Variants in ZNF382 observed in about 807,000 individuals in gnomAD.
ZNF382 encodes the protein zinc finger protein 382.
A neutral mutation model predicts 38.8 loss-of-function variants in ZNF382; 20 were observed. The observed-to-expected ratio is 0.51, with a 90% CI of 0.36 to 0.75. ZNF382 has a LOEUF of 0.75. Ranked by LOEUF, ZNF382 falls within the 30% of genes least tolerant of loss-of-function variation. The probability of loss-of-function intolerance (pLI) is 0.00; values close to 1 mark genes in which losing one functional copy is unlikely to be tolerated. For synonymous variants in ZNF382, 202 were observed against 223.1 expected (o/e 0.91, Z 0.84); for missense variants, 546 against 654.1 (o/e 0.83, Z 1.80).
At chr19:36,616,468 CCAAA>C (rs1157632985) in intron 4 of ZNF382, among the ~76,000 whole-genome samples, 1 of 152,014 alleles carries the variant, frequency 6.6e-6, no homozygotes, top group African/African-American at 2.4e-5. Flanking sequence ...GCGGACAGAC[CCAAA>C]CAGAGATCTT....
Position 36,626,288 on chromosome 19 carries a change from A to G in ZNF382, c.391A>G (p.Thr131Ala), listed in dbSNP as rs768086756. ...FTLGKNRISK[T>A]ILCEYKPDGK... is the part of the protein sequence containing the mutation. The stretch of plus-strand genomic sequence containing the variant: ...TCTAGGCAAGAACCGTATTTCAAAA[A>G]CAATACTATGTGAATATAAACCTGA... Residue 131 changes from threonine (T) to alanine (A), a missense_variant, in exon 5 of 5, where the codon ACA (threonine) becomes GCA (alanine). Coordinates refer to ENST00000292928, the MANE Select transcript of ZNF382 (RefSeq NM_032825.5). 2 of 1,602,426 alleles carry G rather than the reference A, an allele frequency of 1.2e-6. No homozygotes were observed. Among genetic ancestry groups the G allele is most frequent in the South Asian group, 2.3e-5 (2 of 88,154 alleles).
chr19:36,614,914 C>CTTCCCTTTCCCT (rs1555793085), intron 4 of ZNF382, among the ~76,000 whole-genome samples: 11 of 90,782 alleles, frequency 1.2e-4, no homozygotes, highest in Non-Finnish European at 1.6e-4. Flanking sequence ...CTTTCCTTTC[C>CTTCCCTTTCCCT]TTCCCTTTCC....
In ZNF382 at chr19:36,626,698, C is replaced by T. The variant is rs775572815; in HGVS notation, c.801C>T (p.Pro267=). The T allele has an allele frequency of 1.4e-5, 23 of 1,613,878 alleles. No individual in the cohort carries two copies. Among genetic ancestry groups the T allele is most frequent in the Non-Finnish European group, 1.9e-5 (22 of 1,180,038 alleles). ...CAAGTAATCTTATGGAAAAGAAGCC[C>T]TCTGCCTACAACAAATATGGGAAAT... ...VHPSNLMEKK[P]SAYNKYGKFL... The change falls in exon 5 of 5, where the codon CCC becomes CCT. Residue 267 remains proline (P), a synonymous_variant. Transcript: ENST00000292928.
intron 4 of ZNF382, among the ~76,000 whole-genome samples, chr19:36,612,393 T>G (rs1039458098): frequency 6.6e-6 from 1 of 152,256 alleles, no homozygotes; most frequent in Non-Finnish European, 1.5e-5. Context: ...AGACCTATTA[T>G]GAACAAAGCT....
At chr19:36,613,920 G>A (rs1211764323) in intron 4 of ZNF382, among the ~76,000 whole-genome samples, 1 of 152,132 alleles carries the variant, frequency 6.6e-6, no homozygotes, top group Non-Finnish European at 1.5e-5. Context: ...TCTATTTTTG[G>A]ACAATCTGTT....
At chr19:36,619,237 A>C (rs1020477113) in intron 4 of ZNF382, among the ~76,000 whole-genome samples, 1 of 152,180 alleles carries the variant, frequency 6.6e-6, no homozygotes, top group Non-Finnish European at 1.5e-5. Context: ...GGAATGGTGA[A>C]AGGAAAGCAA....
chr19:36,624,307 A>G (rs1009485318), intron 4 of ZNF382, among the ~76,000 whole-genome samples: 3 of 152,192 alleles, frequency 2.0e-5, no homozygotes, highest in African/African-American at 2.4e-5. Flanking sequence ...TCTTGTTGTC[A>G]TTGTGTATCA....
intron 4 of ZNF382, 55 bp from the exon 5 acceptor site, chr19:36,626,075 C>A: frequency 1.5e-6 from 2 of 1,343,736 alleles, no homozygotes; most frequent in Admixed American, 2.6e-5. Flanking sequence ...TGTATGTATA[C>A]CCAATCCATA....
chr19:36,620,580 T>A (rs2037161270), intron 4 of ZNF382, among the ~76,000 whole-genome samples: 1 of 152,212 alleles, frequency 6.6e-6, no homozygotes, highest in Admixed American at 6.5e-5. Context: ...TTCCTTGTTT[T>A]ATGTGAATTG....
rs1292045908 is a variant in ZNF382, at chr19:36,630,166, T to G, written c.*2616T>G. The stretch of plus-strand genomic sequence containing the variant: ...ATCATATTCATCATATACTTCCCAA[T>G]TTTGCACACACAAAAAATGAAAATA... On this transcript the variant is annotated 3_prime_UTR_variant, in exon 5 of 5. Coordinates refer to ENST00000292928, the MANE Select transcript of ZNF382 (RefSeq NM_032825.5). 6.6e-6 allele frequency: 1 copy of G among 152,010 alleles called. No individual in the cohort carries two copies. Among genetic ancestry groups the G allele is most frequent in the Non-Finnish European group, 1.5e-5 (1 of 67,996 alleles). The allele number at this position is 152,010 out of a possible 1,614,324, so 9.4% of individuals were successfully genotyped here.
Position 36,627,433 on chromosome 19 carries a change from A to G in ZNF382, c.1536A>G (p.Lys512=), listed in dbSNP as rs1286279415. 2 of 1,614,212 alleles carry G rather than the reference A, an allele frequency of 1.2e-6. No individual in the cohort carries two copies. Among genetic ancestry groups the G allele is most frequent in the Non-Finnish European group, 8.5e-7 (1 of 1,180,038 alleles). The change falls in exon 5 of 5, where the codon AAA becomes AAG. Residue 512 remains lysine, a synonymous_variant. Transcript: ENST00000292928. ...SRKSNLIRHQ[K]THTGEKPYEC... is the part of the protein sequence containing the mutation. ...AATCAAACCTCATTCGCCATCAGAA[A>G]ACTCACACAGGCGAGAAACCATATG...
intron 3 of ZNF382, 130 bp from the exon 4 acceptor site, chr19:36,610,520 T>G: frequency 1.7e-6 from 1 of 603,120 alleles, no homozygotes; most frequent in Non-Finnish European, 2.9e-6. Flanking sequence ...ACTTGTGTAG[T>G]GTAAGGTATT....
chr19:36,611,772 A>G (rs1027360282), intron 4 of ZNF382, among the ~76,000 whole-genome samples: 1 of 152,160 alleles, frequency 6.6e-6, no homozygotes, highest in Non-Finnish European at 1.5e-5. Flanking sequence ...ACAGTGTACA[A>G]GGGTTCCAAT....
chr19:36,606,202 G>C (rs980741144), intron 1 of ZNF382, among the ~76,000 whole-genome samples: 2 of 152,096 alleles, frequency 1.3e-5, no homozygotes, highest in African/African-American at 4.8e-5. Context: ...AACAGTATCA[G>C]AGGGGAAGAG....
intron 4 of ZNF382, among the ~76,000 whole-genome samples, chr19:36,624,864 C>A (rs542316344): frequency 1.3e-5 from 2 of 150,026 alleles, no homozygotes; most frequent in African/African-American, 4.9e-5. Flanking sequence ...CAGGAGTTCG[C>A]GACCAGCCTG....
chr19:36,614,532 T>A (rs1313952422), intron 4 of ZNF382, among the ~76,000 whole-genome samples: 1 of 152,224 alleles, frequency 6.6e-6, no homozygotes, highest in African/African-American at 2.4e-5. Flanking sequence ...TTTAGTTAGC[T>A]TCTCTAATTC....
At chr19:36,614,843 G>A (rs764562309) in intron 4 of ZNF382, among the ~76,000 whole-genome samples, 5 of 151,508 alleles carry the variant, frequency 3.3e-5, no homozygotes, top group Non-Finnish European at 7.4e-5. Context: ...CCCGGGAGTC[G>A]GAGGTTGCAA....
chr19:36,621,404 C>T (rs1489690892), intron 4 of ZNF382, among the ~76,000 whole-genome samples: 1 of 143,618 alleles, frequency 7.0e-6, no homozygotes, highest in African/African-American at 2.6e-5. Context: ...AACTTTAAAT[C>T]CCTCTGTTTT....
In ZNF382 at chr19:36,627,530, G is replaced by A. The variant is rs745620521; in HGVS notation, c.1633G>A (p.Glu545Lys). The change falls in exon 5 of 5, where the codon GAA becomes AAA. Residue 545 changes from glutamate to lysine, a missense_variant. Transcript: ENST00000292928. Reference protein sequence around the residue: ...LIVHQKTHKVETTGIQ With the variant: ...LIVHQKTHKVKTTGIQ ...TGTCCATCAGAAAACTCACAAGGTA[G>A]AAACCACGGGAATTCAGTAAGTAAT... 6.2e-7 allele frequency: 1 copy of A among 1,610,106 alleles called. No homozygotes were observed. Among genetic ancestry groups the A allele is most frequent in the Non-Finnish European group, 8.5e-7 (1 of 1,176,776 alleles).
Sources: allele counts gnomAD v4.1 joint callset (sites outside exome capture counted in the v4.1 genomes callset), GRCh38; gene constraint gnomAD v4.1.1; transcripts MANE v1.5; gene names NCBI Gene and HGNC (gene_info 2026-07-23, HGNC 2026-07-21).